LY96: variants seen among roughly 807,000 people sequenced by gnomAD.
LY96 encodes myeloid differentiation protein-2.
A neutral mutation model predicts 18.9 loss-of-function variants in LY96; 18 were observed. That is an observed-to-expected ratio of 0.95 (90% CI 0.66 to 1.41). The LOEUF is 1.41. LY96 is among the 40% of genes most tolerant of loss of function. LY96 has a pLI of 0.00. For synonymous variants in LY96, 66 were observed against 62.6 expected, an observed-to-expected ratio of 1.06 and a Z score of -0.26; for missense variants, 175 against 182.4, an observed-to-expected ratio of 0.96 and a Z score of 0.23.
intron 1 of LY96, among the ~76,000 whole-genome samples, chr8:73,993,535 T>C (rs4738411): frequency 0.47 from 71,377 of 152,006 alleles, 16,800 homozygotes; most frequent in South Asian, 0.52. Context: ...GACCGCCTCC[T>C]GGGTTCAAGT....
intron 3 of LY96, among the ~76,000 whole-genome samples, chr8:74,019,648 G>A (rs1816719141): frequency 1.3e-5 from 2 of 152,146 alleles, no homozygotes; most frequent in Non-Finnish European, 2.9e-5. Context: ...TATTCCTAAT[G>A]AACATCGATG....
At chr8:74,045,429 G>T in the LY96 span, among the ~76,000 whole-genome samples, 2 of 152,292 alleles carry the variant, frequency 1.3e-5, no homozygotes, top group South Asian at 4.2e-4. Context: ...ACATTTTAAG[G>T]TTCTAGGTCT....
At chr8:74,063,351 A>G in the LY96 span, among the ~76,000 whole-genome samples, 119 of 152,312 alleles carry the variant, frequency 7.8e-4, 1 homozygote, top group Non-Finnish European at 5.7e-4. Flanking sequence ...GATCATACTC[A>G]AGGAGAGGAG....
the LY96 span, among the ~76,000 whole-genome samples, chr8:74,039,917 G>T: frequency 6.6e-6 from 1 of 152,268 alleles, no homozygotes; most frequent in South Asian, 2.1e-4. Context: ...CCTCCCACAA[G>T]AAGCTGGTGG....
chr8:74,022,092 A>G (rs923549437), intron 3 of LY96, among the ~76,000 whole-genome samples: 10 of 152,080 alleles, frequency 6.6e-5, no homozygotes, highest in African/African-American at 2.4e-4. Context: ...AGAAAAGAAA[A>G]GAATGGAAGG....
chr8:74,080,221 T>C, the LY96 span, among the ~76,000 whole-genome samples: 13 of 152,098 alleles, frequency 8.5e-5, no homozygotes, highest in Non-Finnish European at 1.5e-4. Flanking sequence ...GGGTGGTAAA[T>C]GGGGCTTGGA....
the LY96 span, among the ~76,000 whole-genome samples, chr8:74,097,216 T>C: frequency 1.3e-5 from 2 of 152,182 alleles, no homozygotes; most frequent in Admixed American, 1.3e-4. Flanking sequence ...TTTGAGAATC[T>C]GAGGGTAATG....
chr8:74,014,097 C>G (rs1371979224), intron 3 of LY96, among the ~76,000 whole-genome samples: 1 of 151,652 alleles, frequency 6.6e-6, no homozygotes, highest in Admixed American at 6.6e-5. Context: ...TTTTGGGAGA[C>G]AGAATAGGCA....
At chr8:74,054,028 C>CTTAT in the LY96 span, among the ~76,000 whole-genome samples, 7 of 152,092 alleles carry the variant, frequency 4.6e-5, no homozygotes, top group East Asian at 3.9e-4. Flanking sequence ...AAATAAACTT[C>CTTAT]TTATTTATTT....
chr8:74,026,940 C>CTTT, intron 4 of LY96, 99 bp downstream of exon 4: 2 of 539,014 alleles, frequency 3.7e-6, no homozygotes, highest in Non-Finnish European at 6.7e-6. Context: ...CTTTTTCTTT[C>CTTT]TTTTTTTTTT....
chr8:74,081,062 T>TTCTCTCTTTCTC, the LY96 span, among the ~76,000 whole-genome samples: 22 of 125,478 alleles, frequency 1.8e-4, 1 homozygote, highest in African/African-American at 7.1e-4. Context: ...CTTTCTTTCT[T>TTCTCTCTTTCTC]TCTTACTTTC....
At chr8:74,010,395 T>G (rs1405398653) in intron 3 of LY96, among the ~76,000 whole-genome samples, 1 of 152,162 alleles carries the variant, frequency 6.6e-6, no homozygotes, top group Non-Finnish European at 1.5e-5. Context: ...TAGTGACTTC[T>G]GCCTTTATGT....
the LY96 span, among the ~76,000 whole-genome samples, chr8:74,098,532 C>T: frequency 2.0e-5 from 3 of 152,272 alleles, no homozygotes; most frequent in East Asian, 3.9e-4. Flanking sequence ...CCCACCACCA[C>T]GCCCAGCTAA....
intron 3 of LY96, among the ~76,000 whole-genome samples, chr8:74,024,617 A>G (rs1037820001): frequency 7.2e-5 from 11 of 152,158 alleles, no homozygotes; most frequent in African/African-American, 2.7e-4. Flanking sequence ...TTACTGAGGC[A>G]TAGAAAAATT....
At chr8:74,078,543 G>T in the LY96 span, among the ~76,000 whole-genome samples, 1 of 152,168 alleles carries the variant, frequency 6.6e-6, no homozygotes, top group Non-Finnish European at 1.5e-5. Flanking sequence ...CCAAGTGTTG[G>T]TTGGGATTCT....
the LY96 span, among the ~76,000 whole-genome samples, chr8:74,088,979 T>G: frequency 6.6e-6 from 1 of 152,188 alleles, no homozygotes; most frequent in Non-Finnish European, 1.5e-5. Flanking sequence ...GGATTGATCT[T>G]GCTGGTGGGG....
chr8:74,026,740 T>A (rs1367354563), intron 3 of LY96, 49 bp from the exon 4 acceptor site: 1 of 1,061,272 alleles, frequency 9.4e-7, no homozygotes. Context: ...GAAAAAAATA[T>A]CACCTAACCG....
At chr8:74,054,618 TTCTTTCTTTC>T in the LY96 span, among the ~76,000 whole-genome samples, 12 of 12,888 alleles carry the variant, frequency 9.3e-4, no homozygotes, top group African/African-American at 3.1e-3. Context: ...TTCCTTTTCC[TTCTTTCTTTC>T]TTTCTTTCTT....
At chr8:74,002,055 CTT>C (rs1816294946) in intron 1 of LY96, among the ~76,000 whole-genome samples, 1 of 40,048 alleles carries the variant, frequency 2.5e-5, no homozygotes, top group Non-Finnish European at 4.1e-5. Context: ...TCCTTCCTTC[CTT>C]CCTTCCTTCC....
Sources: gnomAD v4.1 joint callset for allele counts (sites outside exome capture counted in the v4.1 genomes callset) on GRCh38, gnomAD v4.1.1 for gene constraint, MANE v1.5 for transcripts, NCBI Gene and HGNC (gene_info 2026-07-23, HGNC 2026-07-21) for gene names.